GPR158: variants seen among roughly 807,000 people sequenced by gnomAD.
The protein encoded by GPR158 is metabotropic glycine receptor.
Under a neutral mutation model 78.2 loss-of-function variants are expected in GPR158, and 30 were observed. That is an observed-to-expected ratio of 0.38 (90% CI 0.29 to 0.52). GPR158 has a LOEUF of 0.52. GPR158 is among the 20% of genes least tolerant of loss of function. The pLI, the probability that GPR158 is intolerant of heterozygous loss-of-function variation, is 0.83. For missense variants in GPR158, 1,463 were observed against 1,523.5 expected (o/e 0.96, Z 0.66); for synonymous variants, 581 against 591.1 (o/e 0.98, Z 0.25).
intron 5 of GPR158, among the ~76,000 whole-genome samples, chr10:25,502,284 A>G (rs1835952938): frequency 6.6e-6 from 1 of 152,016 alleles, no homozygotes; most frequent in Non-Finnish European, 1.5e-5. Flanking sequence ...TCCACCATCA[A>G]CCACCCTCCC....
At position 25,411,664 on chromosome 10, in the gene GPR158, G is replaced by A. The variant is rs189741789; in HGVS notation, c.1112-586G>A. ...ATAAAAGACTTAGAAGGCCAGGTGC[G>A]GTGGCTCACACCTATAATCCCAGCA... On this transcript the variant is annotated intron_variant, in intron 3 of 10. Transcript: ENST00000376351. Among the ~76,000 whole-genome samples, 77 of 152,066 alleles carry A rather than the reference G, an allele frequency of 5.1e-4. 2 individuals carry two copies. In the East Asian group the frequency reaches 0.013, roughly 26 times the overall value.
In GPR158 at chr10:25,598,892, T is replaced by C. The variant is rs1426639834; in HGVS notation, c.3266T>C (p.Ile1089Thr). 7 of 1,613,996 alleles carry C rather than the reference T, an allele frequency of 4.3e-6. No individual in the cohort carries two copies. Among genetic ancestry groups the C allele is most frequent in the Non-Finnish European group, 5.9e-6 (7 of 1,179,986 alleles). ...QSILEDEKLLISKTPVLPERA... is the reference protein window; with the variant it reads ...QSILEDEKLLTSKTPVLPERA... ...ATTTTGGAAGATGAGAAGCTTTTGA[T>C]TTCCAAGACTCCAGTTCTCCCAGAG... Residue 1089 changes from isoleucine to threonine, a missense_variant, in exon 11 of 11, where the codon ATT becomes ACT. Physicochemically the swap from Ile to Thr is moderately conservative, Grantham distance 89 (BLOSUM62 -1). Coordinates refer to ENST00000376351, the MANE Select transcript of GPR158 (RefSeq NM_020752.3).
At chr10:25,416,177 T>G (rs1834657597) in intron 4 of GPR158, among the ~76,000 whole-genome samples, 1 of 152,160 alleles carries the variant, frequency 6.6e-6, no homozygotes, top group Non-Finnish European at 1.5e-5. Context: ...CTTTATAAAA[T>G]TCACAATTCA....
chr10:25,340,390 A>C (rs1855285902), intron 2 of GPR158, among the ~76,000 whole-genome samples: 2 of 152,232 alleles, frequency 1.3e-5, no homozygotes, highest in Admixed American at 1.3e-4. Context: ...GAGGATACTC[A>C]GGAAATAAAT....
chr10:25,405,805 A>T (rs372188258), intron 3 of GPR158, among the ~76,000 whole-genome samples: 2 of 152,128 alleles, frequency 1.3e-5, no homozygotes, highest in African/African-American at 4.8e-5. Context: ...GACCACAGGC[A>T]AGAATAAACT....
At chr10:25,443,644 C>CCTGGTGGTT (rs1345596955) in intron 4 of GPR158, among the ~76,000 whole-genome samples, 1 of 148,150 alleles carries the variant, frequency 6.7e-6, no homozygotes. Flanking sequence ...TGACCTCAAG[C>CCTGGTGGTT]GATCATTCCA....
chr10:25,472,783 G>A (rs2130625653), intron 5 of GPR158, among the ~76,000 whole-genome samples: 1 of 152,306 alleles, frequency 6.6e-6, no homozygotes, highest in Middle Eastern at 3.4e-3. Flanking sequence ...AAGAATGCTT[G>A]TGATTTTTGC....
At position 25,188,316 on chromosome 10, in the gene GPR158, A is replaced by T. The variant is rs190281710; in HGVS notation, c.902+11994A>T. 5.3e-4 allele frequency among the ~76,000 whole-genome samples: 80 copies of T among 152,312 alleles called. 1 individual carries two copies. Among genetic ancestry groups the T allele is most frequent in the South Asian group, 3.7e-3 (18 of 4,834 alleles). ...TTCATGTGGAGCCAAAAAAGAGCCC[A>T]CATTGCCAAGACAATCCTAAGCCAA... On this transcript the variant is annotated intron_variant, in intron 1 of 10. Transcript: ENST00000376351.
intron 2 of GPR158, among the ~76,000 whole-genome samples, chr10:25,386,513 T>A (rs1265344820): frequency 1.3e-5 from 2 of 152,184 alleles, no homozygotes; most frequent in Non-Finnish European, 2.9e-5. Context: ...ATCTGTAGTT[T>A]TGCTTTGCTT....
At chr10:25,447,401 A>G (rs544503640) in intron 4 of GPR158, among the ~76,000 whole-genome samples, 1 of 152,342 alleles carries the variant, frequency 6.6e-6, no homozygotes, top group East Asian at 1.9e-4. Context: ...AAAGACTGCA[A>G]AGCTTATACA....
At chr10:25,550,483 G>C (rs1836712898) in intron 5 of GPR158, among the ~76,000 whole-genome samples, 1 of 152,120 alleles carries the variant, frequency 6.6e-6, no homozygotes, top group South Asian at 2.1e-4. Flanking sequence ...GGAACAATCG[G>C]CTCTGGGGGG....
rs1320456045 is a variant in GPR158, at chr10:25,233,673, G to A, written c.1008+12516G>A. On this transcript the variant is annotated intron_variant, in intron 2 of 10. Transcript: ENST00000376351. ...CAAAGTGTGGTCCTGGGACCCCTGG[G>A]GGTCCTCAAGACCCTTTCAAGGGAG... 3.3e-5 allele frequency among the ~76,000 whole-genome samples: 5 copies of A among 152,202 alleles called. No individual in the cohort carries two copies. In the South Asian group the frequency reaches 8.3e-4, roughly 25 times the overall value.
chr10:25,295,670 C>T (rs867199108), intron 2 of GPR158, among the ~76,000 whole-genome samples: 1 of 152,130 alleles, frequency 6.6e-6, no homozygotes, highest in South Asian at 2.1e-4. Flanking sequence ...GCCTCGGCCT[C>T]CCAAAGTGCT....
chr10:25,577,507 C>G (rs1384031515), intron 7 of GPR158, among the ~76,000 whole-genome samples: 1 of 152,148 alleles, frequency 6.6e-6, no homozygotes, highest in Admixed American at 6.6e-5. Flanking sequence ...AAAAACAATC[C>G]CTTTTTCAAA....
At chr10:25,552,532 G>A (rs187981110) in intron 6 of GPR158, among the ~76,000 whole-genome samples, 4 of 152,212 alleles carry the variant, frequency 2.6e-5, no homozygotes, top group African/African-American at 9.6e-5. Context: ...TACTTATGGT[G>A]CCTTATAGTT....
Position 25,572,653 on chromosome 10 carries a change from T to C in GPR158, c.1519T>C (p.Leu507=). 6.2e-7 allele frequency: 1 copy of C among 1,603,696 alleles called. No individual in the cohort carries two copies. The highest frequency in any genetic ancestry group is 2.2e-5 in the East Asian group (1 of 44,814). ...GTVTLKLHRV[L]KVFLSRTAQR... ...TTTGAACTTTTGCTTTTCTAGGGTT[T>C]TGAAGGTGTTTCTTTCACGAACGGC... The change falls in exon 7 of 11, where the codon TTG becomes CTG. Residue 507 remains leucine (L), a synonymous_variant. Coordinates refer to ENST00000376351, the MANE Select transcript of GPR158 (RefSeq NM_020752.3).
At chr10:25,357,985 T>C (rs1347904083) in intron 2 of GPR158, among the ~76,000 whole-genome samples, 2 of 152,068 alleles carry the variant, frequency 1.3e-5, no homozygotes, top group East Asian at 3.9e-4. Flanking sequence ...CTGAAGACCA[T>C]GGGAAACCAG....
intron 4 of GPR158, among the ~76,000 whole-genome samples, chr10:25,426,020 G>C (rs1336008867): frequency 6.6e-6 from 1 of 152,054 alleles, no homozygotes; most frequent in East Asian, 1.9e-4. Flanking sequence ...TATCTGTGAA[G>C]GTATGGGGGT....
At position 25,176,196 on chromosome 10, in the gene GPR158, A is replaced by G. The variant is rs1412872087; in HGVS notation, c.776A>G (p.Asp259Gly). ...SWRRKDGLGG[D>G]KSHFKWSPPY... ...CGGCGCAAGGACGGGCTCGGCGGGG[A>G]CAAGAGCCACTTCAAGTGGTCTCCG... Residue 259 changes from aspartate to glycine, a missense_variant, in exon 1 of 11, where the codon GAC becomes GGC. Physicochemically the swap from Asp to Gly is moderately conservative, Grantham distance 94. Transcript: ENST00000376351. This position sits in a 1 kb window ranked among gnomAD's most constrained non-coding sequence, Gnocchi z 6.3. The G allele has an allele frequency of 5.7e-6, 9 of 1,579,246 alleles. No individual in the cohort carries two copies. The Admixed American group carries it at 1.7e-4, about 30-fold the overall frequency.
Sources: allele counts gnomAD v4.1 joint callset (sites outside exome capture counted in the v4.1 genomes callset), GRCh38; gene constraint gnomAD v4.1.1; non-coding constraint Gnocchi (gnomAD v3.1); transcripts MANE v1.5; gene names NCBI Gene and HGNC (gene_info 2026-07-23, HGNC 2026-07-21).